SYNPR: variants seen among roughly 807,000 people sequenced by gnomAD.
SYNPR encodes synaptoporin.
In SYNPR, 23 loss-of-function variants were observed where a neutral mutation model predicts 32.9. The observed-to-expected ratio is 0.70, with a 90% CI of 0.50 to 0.99. The LOEUF is 0.99. Among genes scored for constraint, SYNPR ranks in the 50% least tolerant of loss-of-function variants. SYNPR has a pLI of 0.00. For missense variants in SYNPR, 318 were observed against 349.3 expected, an observed-to-expected ratio of 0.91 and a Z score of 0.71; for synonymous variants, 146 against 135.9, an observed-to-expected ratio of 1.07 and a Z score of -0.52.
intron 1 of SYNPR, among the ~76,000 whole-genome samples, chr3:63,250,304 A>T (rs568579447): frequency 6.6e-6 from 1 of 152,266 alleles, no homozygotes; most frequent in Admixed American, 6.5e-5. Flanking sequence ...TACAATTATT[A>T]CATGTCAACT....
rs147170762 is a variant in SYNPR, at chr3:63,579,942, A to T, written c.408+23201A>T. Among the ~76,000 whole-genome samples the T allele has an allele frequency of 6.6e-5, 10 of 152,054 alleles. No individual in the cohort carries two copies. The East Asian group carries it at 1.7e-3, about 26-fold the overall frequency. On this transcript the variant is annotated intron_variant, in intron 4 of 5. Transcript: ENST00000478300. ...AAATGGGGGGAGGACTGTTCATTTT[A>T]AAAATATTAAAAATGAATTATGAAT...
rs1247960685 is a variant in SYNPR at position 63,306,785 on chromosome 3, T to A, written c.84+28043T>A. Among the ~76,000 whole-genome samples the A allele has an allele frequency of 2.0e-5, 3 of 152,022 alleles. No homozygotes were observed. The East Asian group carries it at 5.8e-4, about 29-fold the overall frequency. Reference sequence around the variant, plus strand: ...CTTGGGAGGCAGGTGAAGTTAATCATCAGTTTGACATCAACCTGGCTTAGA... The same window carrying A: ...CTTGGGAGGCAGGTGAAGTTAATCAACAGTTTGACATCAACCTGGCTTAGA... On this transcript the variant is annotated intron_variant, in intron 2 of 5. Coordinates refer to ENST00000478300, the MANE Select transcript of SYNPR (RefSeq NM_001130003.2).
intron 2 of SYNPR, among the ~76,000 whole-genome samples, chr3:63,357,946 A>G (rs2087604858): frequency 6.6e-6 from 1 of 152,206 alleles, no homozygotes; most frequent in South Asian, 2.1e-4. Context: ...ATAGTGTAGG[A>G]AAAAGTTGTA....
chr3:63,360,427 C>T (rs1157583505), intron 2 of SYNPR, among the ~76,000 whole-genome samples: 2 of 152,190 alleles, frequency 1.3e-5, no homozygotes, highest in Non-Finnish European at 2.9e-5. Context: ...CAAAGCTGTG[C>T]TGCACATGAC....
intron 4 of SYNPR, among the ~76,000 whole-genome samples, chr3:63,598,353 T>C (rs915950779): frequency 6.6e-6 from 1 of 152,054 alleles, no homozygotes; most frequent in Admixed American, 6.5e-5. Context: ...TTAATTACAT[T>C]TAGAAAAAAA....
At chr3:63,476,197 C>CAAGGGAAGG (rs796506666) in intron 2 of SYNPR, among the ~76,000 whole-genome samples, 610 of 22,316 alleles carry the variant, frequency 0.027, 51 homozygotes, top group Middle Eastern at 0.12. Context: ...GGGAGGGAAG[C>CAAGGGAAGG]AAGGGAAGGA....
chr3:63,292,465 A>G (rs2106931806), intron 2 of SYNPR, among the ~76,000 whole-genome samples: 1 of 152,288 alleles, frequency 6.6e-6, no homozygotes, highest in Middle Eastern at 3.4e-3. Context: ...TTTATTCACT[A>G]TATTCTCATT....
chr3:63,409,514 G>T (rs2088433700), intron 2 of SYNPR, among the ~76,000 whole-genome samples: 1 of 152,056 alleles, frequency 6.6e-6, no homozygotes, highest in South Asian at 2.1e-4. Flanking sequence ...ATTAATCCTG[G>T]GCTCTGCTGT....
At chr3:63,373,177 T>C (rs2087843024) in intron 2 of SYNPR, among the ~76,000 whole-genome samples, 1 of 152,164 alleles carries the variant, frequency 6.6e-6, no homozygotes, top group African/African-American at 2.4e-5. Context: ...GAGTGTCTTC[T>C]AATCCCAAAA....
intron 3 of SYNPR, among the ~76,000 whole-genome samples, chr3:63,525,674 G>T (rs183983986): frequency 3.3e-5 from 5 of 152,314 alleles, no homozygotes; most frequent in African/African-American, 9.6e-5. Flanking sequence ...GTTCAAGAGG[G>T]ATCATGGTTT....
chr3:63,328,057 G>A (rs897081692), intron 2 of SYNPR, among the ~76,000 whole-genome samples: 2 of 152,120 alleles, frequency 1.3e-5, no homozygotes, highest in African/African-American at 4.8e-5. Context: ...TGCCACATAT[G>A]CTGAATTTAA....
intron 2 of SYNPR, among the ~76,000 whole-genome samples, chr3:63,293,322 G>T (rs13077267): frequency 0.21 from 31,689 of 151,970 alleles, 3,827 homozygotes; most frequent in South Asian, 0.38. Context: ...GGGGTGGAGG[G>T]TTTTTTTGGA....
At chr3:63,393,609 C>A (rs1389278622) in intron 2 of SYNPR, among the ~76,000 whole-genome samples, 2 of 149,418 alleles carry the variant, frequency 1.3e-5, no homozygotes, top group African/African-American at 2.5e-5. Context: ...GCCATTCTCC[C>A]ACCTGAGCCT....
intron 1 of SYNPR, among the ~76,000 whole-genome samples, chr3:63,242,884 A>G (rs967532760): frequency 1.3e-5 from 2 of 152,106 alleles, no homozygotes; most frequent in African/African-American, 4.8e-5. Flanking sequence ...ACAGGTTTGA[A>G]AAATGGGAAA....
chr3:63,358,788 T>A (rs148215269), intron 2 of SYNPR, among the ~76,000 whole-genome samples: 241 of 152,334 alleles, frequency 1.6e-3, no homozygotes, highest in African/African-American at 5.4e-3. Context: ...AGGTAGGTTC[T>A]ACTATTGTCC....
chr3:63,578,085 G>A (rs749035812), intron 4 of SYNPR, among the ~76,000 whole-genome samples: 1 of 152,098 alleles, frequency 6.6e-6, no homozygotes, highest in Non-Finnish European at 1.5e-5. Flanking sequence ...TCCTAGAAGC[G>A]AAGTGTTTTT....
intron 4 of SYNPR, among the ~76,000 whole-genome samples, chr3:63,608,638 AT>A (rs2106903130): frequency 6.6e-6 from 1 of 152,340 alleles, no homozygotes; most frequent in African/African-American, 2.4e-5. Context: ...CCATCAAAGA[AT>A]CTTAAACCAT....
intron 5 of SYNPR, among the ~76,000 whole-genome samples, chr3:63,614,585 G>T (rs540123272): frequency 6.6e-6 from 1 of 152,278 alleles, no homozygotes; most frequent in East Asian, 1.9e-4. Context: ...GCAATTATTC[G>T]AACAGTCAAC....
chr3:63,486,496 A>T (rs571739300), intron 3 of SYNPR, among the ~76,000 whole-genome samples: 3 of 152,256 alleles, frequency 2.0e-5, no homozygotes, highest in South Asian at 4.1e-4. Flanking sequence ...TTTCTGTCTC[A>T]CTTCTCCACT....
Sources: allele counts gnomAD v4.1 joint callset (sites outside exome capture counted in the v4.1 genomes callset), GRCh38; gene constraint gnomAD v4.1.1; transcripts MANE v1.5; gene names NCBI Gene and HGNC (gene_info 2026-07-23, HGNC 2026-07-21).